Variants in DNAJC27 observed in about 807,000 individuals in gnomAD.
DNAJC27 encodes the protein dnaJ homolog subfamily C member 27.
In DNAJC27, 25 loss-of-function variants were observed where a neutral mutation model predicts 31.4. That is an observed-to-expected ratio of 0.80 (90% CI 0.58 to 1.11). The LOEUF is 1.11. Ranked by LOEUF, DNAJC27 falls within the 50% of genes most tolerant of loss-of-function variation. The pLI, the probability that DNAJC27 is intolerant of heterozygous loss-of-function variation, is 0.00. For synonymous variants in DNAJC27, 106 were observed against 112.7 expected (o/e 0.94, Z 0.37); for missense variants, 356 against 347.3 (o/e 1.02, Z -0.20).
chr2:24,951,357 T>C (rs1665769796), intron 6 of DNAJC27, 37 bp downstream of exon 6: 1 of 1,572,320 alleles, frequency 6.4e-7, no homozygotes, highest in East Asian at 2.3e-5. Flanking sequence ...TCTTTCTTTA[T>C]GATAGCAATC....
rs1486051356 is a variant in DNAJC27, at chr2:24,946,615, A to T, written c.*1001T>A. ...TCTCCTACTGCATCAAGCTTGCCCC[A>T]AGCTTGGCTGGCCTTTCCTCTGCTG... On this transcript the variant is annotated 3_prime_UTR_variant, in exon 7 of 7. Coordinates refer to ENST00000264711, the MANE Select transcript of DNAJC27 (RefSeq NM_016544.3). 2 of 152,098 alleles carry T rather than the reference A, an allele frequency of 1.3e-5. No homozygotes were observed. The highest frequency in any genetic ancestry group is 3.8e-4 in the East Asian group (2 of 5,198). 9.4% of individuals were successfully genotyped at this position (152,098 alleles called of 1,614,324 possible).
In DNAJC27 at chr2:24,945,620, T is replaced by C. The variant is rs552278178; in HGVS notation, c.*1996A>G. 3.3e-5 allele frequency: 5 copies of C among 152,212 alleles called. No individual in the cohort carries two copies. Among genetic ancestry groups the C allele is most frequent in the African/African-American group, 4.8e-5 (2 of 41,450 alleles). The allele number at this position is 152,212 out of a possible 1,614,324, so 9.4% of individuals were successfully genotyped here. On this transcript the variant is annotated 3_prime_UTR_variant, in exon 7 of 7. Coordinates refer to ENST00000264711, the MANE Select transcript of DNAJC27 (RefSeq NM_016544.3). ...CTTTCAGCATGATAAAGGCCTTCCT[T>C]AAGCAAAATTTAGGTCCCGAAGAAC...
intron 2 of DNAJC27, among the ~76,000 whole-genome samples, chr2:24,964,213 G>T (rs1666120687): frequency 6.6e-6 from 1 of 152,016 alleles, no homozygotes; most frequent in Non-Finnish European, 1.5e-5. Flanking sequence ...GAGGTCAGGA[G>T]ATCGAGACCA....
intron 3 of DNAJC27, among the ~76,000 whole-genome samples, chr2:24,960,056 G>GT (rs1229937075): frequency 7.2e-5 from 11 of 152,264 alleles, no homozygotes; most frequent in Admixed American, 2.6e-4. Context: ...TACATATTGT[G>GT]TTTTTTTACA....
chr2:24,968,558 G>T lies in DNAJC27; in HGVS notation c.88-1265C>A, dbSNP rs182284910. The stretch of plus-strand genomic sequence containing the variant: ...GACGGGGTTTCACCATGTTGGCCAG[G>T]ATGGTCTCGATCTGACCCCGTGAAC... On this transcript the variant is annotated intron_variant, in intron 1 of 6. Transcript: ENST00000264711. Among the ~76,000 whole-genome samples, 3 of 151,748 alleles carry T rather than the reference G, an allele frequency of 2.0e-5. No homozygotes were observed. In the East Asian group the frequency reaches 5.8e-4, roughly 29 times the overall value.
At chr2:24,959,171 T>C (rs1419128396) in intron 3 of DNAJC27, among the ~76,000 whole-genome samples, 1 of 152,160 alleles carries the variant, frequency 6.6e-6, no homozygotes, top group African/African-American at 2.4e-5. Context: ...ACGGGCTCTC[T>C]CTTCTTTTCT....
rs1296652652 is a variant in DNAJC27, at chr2:24,945,964, G to A, written c.*1652C>T. ...ATGGGATAGCTTTTTAAAATTCACA[G>A]GACAGGAAGATTTTATATACTTTCA... On this transcript the variant is annotated 3_prime_UTR_variant, in exon 7 of 7. Transcript: ENST00000264711. 1 of 152,110 alleles carries A rather than the reference G, an allele frequency of 6.6e-6. No homozygotes were observed. Among genetic ancestry groups the A allele is most frequent in the Non-Finnish European group, 1.5e-5 (1 of 68,036 alleles). 9.4% of individuals were successfully genotyped at this position (152,110 alleles called of 1,614,324 possible). A position where few individuals can be genotyped will look rare whatever the true frequency, so the allele number is the denominator to read the frequency against.
chr2:24,963,299 G>A, intron 3 of DNAJC27, 106 bp downstream of exon 3: 1 of 807,678 alleles, frequency 1.2e-6, no homozygotes, highest in Non-Finnish European at 1.9e-6. Flanking sequence ...CTAAAATTAT[G>A]CAATTTTACA....
At position 24,946,687 on chromosome 2, in the gene DNAJC27, T is replaced by C. The variant is rs979395425; in HGVS notation, c.*929A>G. 1.4e-4 allele frequency: 21 copies of C among 152,070 alleles called. No homozygotes were observed. The highest frequency in any genetic ancestry group is 2.8e-4 in the Non-Finnish European group (19 of 67,998). The allele number at this position is 152,070 out of a possible 1,614,324, so 9.4% of individuals were successfully genotyped here. A position where few individuals can be genotyped will look rare whatever the true frequency, so the allele number is the denominator to read the frequency against. Reference sequence around the variant, plus strand: ...GACCTCTAAGTACCTTTTTTTTTTTTCTTTAAGAGACAAGATCTTACTATG... The same window carrying C: ...GACCTCTAAGTACCTTTTTTTTTTTCCTTTAAGAGACAAGATCTTACTATG... On this transcript the variant is annotated 3_prime_UTR_variant, in exon 7 of 7. Coordinates refer to ENST00000264711, the MANE Select transcript of DNAJC27 (RefSeq NM_016544.3).
chr2:24,959,864 G>C (rs1045558611), intron 3 of DNAJC27, among the ~76,000 whole-genome samples: 1 of 152,172 alleles, frequency 6.6e-6, no homozygotes. Flanking sequence ...TTCCTGCCCA[G>C]TTTTACAGTT....
At chr2:24,967,842 T>C (rs1666228684) in intron 1 of DNAJC27, among the ~76,000 whole-genome samples, 5 of 152,220 alleles carry the variant, frequency 3.3e-5, no homozygotes, top group African/African-American at 7.2e-5. Flanking sequence ...TCTTTTCTTC[T>C]GAAGATGTCT....
intron 6 of DNAJC27, 61 bp downstream of exon 6, chr2:24,951,333 T>A: frequency 6.7e-7 from 1 of 1,496,848 alleles, no homozygotes; most frequent in Non-Finnish European, 9.0e-7. Context: ...GCACCTATAA[T>A]TTTGGTGATG....
intron 3 of DNAJC27, among the ~76,000 whole-genome samples, chr2:24,962,089 T>C (rs1028491655): frequency 6.6e-6 from 1 of 152,076 alleles, no homozygotes; most frequent in African/African-American, 2.4e-5. Flanking sequence ...ACCACCACCC[T>C]CATCAGTCAG....
chr2:24,963,598 C>G, intron 2 of DNAJC27, 124 bp from the exon 3 acceptor site: 3 of 670,536 alleles, frequency 4.5e-6, no homozygotes, highest in Admixed American at 2.8e-5. Context: ...GTGCCTCTTC[C>G]TCATTCCAGA....
chr2:24,961,206 T>C (rs1006710035), intron 3 of DNAJC27, among the ~76,000 whole-genome samples: 3 of 152,168 alleles, frequency 2.0e-5, no homozygotes, highest in Admixed American at 6.6e-5. Context: ...GCTCTATAAA[T>C]GGAACAGCAA....
rs376869349 is a variant in DNAJC27, at chr2:24,971,852, T to C, written c.53A>G (p.Lys18Arg). The change falls in exon 1 of 7, where the codon AAA becomes AGA. Residue 18 changes from lysine (K) to arginine (R), a missense_variant. Transcript: ENST00000264711. ...TTCGGCGTTGCCCATGGAGATGACT[T>C]TGATGCGGAGAGACCTGCCGGGCTC... ...RKEPGRSLRIKVISMGNAEVG... is the reference protein window; with the variant it reads ...RKEPGRSLRIRVISMGNAEVG... 1.8e-5 allele frequency: 29 copies of C among 1,609,112 alleles called. No homozygotes were observed. Among genetic ancestry groups the C allele is most frequent in the Non-Finnish European group, 2.2e-5 (26 of 1,178,150 alleles).
chr2:24,951,347 T>C (rs1665769473), intron 6 of DNAJC27, 47 bp downstream of exon 6: 1 of 1,542,642 alleles, frequency 6.5e-7, no homozygotes, highest in Admixed American at 1.9e-5. Context: ...GGTGATGGAG[T>C]CTTTCTTTAT....
intron 1 of DNAJC27, among the ~76,000 whole-genome samples, chr2:24,970,245 T>C (rs926964140): frequency 1.3e-5 from 2 of 152,234 alleles, no homozygotes; most frequent in Non-Finnish European, 1.5e-5. Flanking sequence ...ATGTTTCTAA[T>C]AGTTTTTCAG....
At chr2:24,956,628 A>G (rs1199670114) in intron 5 of DNAJC27, among the ~76,000 whole-genome samples, 1 of 152,216 alleles carries the variant, frequency 6.6e-6, no homozygotes, top group Non-Finnish European at 1.5e-5. Flanking sequence ...AGCCAAAGGT[A>G]GCTTTGAAGA....
Sources: allele counts gnomAD v4.1 joint callset (sites outside exome capture counted in the v4.1 genomes callset), GRCh38; gene constraint gnomAD v4.1.1; transcripts MANE v1.5; gene names NCBI Gene and HGNC (gene_info 2026-07-23, HGNC 2026-07-21).